The following NINL variants were observed in gnomAD, a reference collection of about 807,000 sequenced individuals.
NINL encodes the protein ninein like, also known as ninein-like protein.
A neutral mutation model predicts 160.3 loss-of-function variants in NINL; 153 were observed. The observed-to-expected ratio is 0.95, with a 90% confidence interval of 0.84 to 1.09. The LOEUF (loss-of-function observed/expected upper bound fraction) is 1.09. NINL is among the 50% of genes least tolerant of loss of function. NINL has a pLI of 0.00. For missense variants in NINL, 1,829 were observed against 1,764.0 expected (o/e 1.04, Z -0.66); for synonymous variants, 800 against 734.8 (o/e 1.09, Z -1.43).
intron 13 of NINL, among the ~76,000 whole-genome samples, chr20:25,485,015 G>C (rs2063479288): frequency 6.6e-6 from 1 of 152,158 alleles, no homozygotes; most frequent in African/African-American, 2.4e-5. Context: ...TCAGTGCTGT[G>C]AACAGGAAAC....
intron 1 of NINL, among the ~76,000 whole-genome samples, chr20:25,549,832 A>T (rs1410945898): frequency 6.6e-6 from 1 of 152,200 alleles, no homozygotes; most frequent in Non-Finnish European, 1.5e-5. Flanking sequence ...ACACAGGAAA[A>T]GTCAAAAGTC....
intron 5 of NINL, 141 bp downstream of exon 5, chr20:25,510,533 G>T: frequency 1.3e-6 from 1 of 785,840 alleles, no homozygotes; most frequent in Non-Finnish European, 2.3e-6. Flanking sequence ...GCAGGAGGAA[G>T]AATCCAGCGG....
intron 17 of NINL, among the ~76,000 whole-genome samples, chr20:25,472,688 G>A (rs182880132): frequency 7.0e-4 from 107 of 151,998 alleles, no homozygotes; most frequent in African/African-American, 2.6e-3. Flanking sequence ...GCCACCATGT[G>A]TGACTAATTT....
At chr20:25,478,584 A>G (rs955707747) in intron 16 of NINL, among the ~76,000 whole-genome samples, 8 of 151,980 alleles carry the variant, frequency 5.3e-5, no homozygotes, top group Non-Finnish European at 1.0e-4. Flanking sequence ...GCCTTTCTCC[A>G]TCTCCCCACA....
intron 1 of NINL, among the ~76,000 whole-genome samples, chr20:25,554,601 A>G (rs1170612788): frequency 6.8e-6 from 1 of 147,024 alleles, no homozygotes; most frequent in Non-Finnish European, 1.5e-5. Flanking sequence ...CATGAGCAAC[A>G]TAGTAAGAAC....
chr20:25,535,842 C>T (rs1433617766), intron 1 of NINL, among the ~76,000 whole-genome samples: 1 of 152,128 alleles, frequency 6.6e-6, no homozygotes, highest in Non-Finnish European at 1.5e-5. Context: ...TCTCGACATC[C>T]TTGAAAAGCC....
chr20:25,481,220 C>CG (rs1365186524), intron 14 of NINL, among the ~76,000 whole-genome samples: 4 of 152,104 alleles, frequency 2.6e-5, no homozygotes. Flanking sequence ...GTTGCCATGA[C>CG]GGGGGAGCGA....
chr20:25,458,320 C>T (rs6076352), intron 22 of NINL, 63 bp downstream of exon 22: 30 of 1,583,140 alleles, frequency 1.9e-5, no homozygotes, highest in Admixed American at 5.0e-5. Flanking sequence ...AACTGAGGAC[C>T]GGTGGGCCCG....
At position 25,479,023 on chromosome 20, in the gene NINL, C is replaced by A; in HGVS notation, c.2101G>T (p.Ala701Ser). The change falls in exon 16 of 24, where the codon GCC becomes TCC. Residue 701 changes from alanine to serine, a missense_variant. Ala to Ser is a moderately conservative substitution (Grantham distance 99). Transcript: ENST00000278886. ...ATCTGCTCAGGCTCGGGGCCGCGGG[C>A]TGTGTCCTGCAGCTGCTCCTGCAGG... is the stretch of plus-strand genomic sequence containing the variant. The part of the protein sequence containing the change: ...WGLQEQLQDT[A>S]RGPEPEQMGL... 6.2e-7 allele frequency: 1 copy of A among 1,610,166 alleles called. No homozygotes were observed. The highest frequency in any genetic ancestry group is 8.5e-7 in the Non-Finnish European group (1 of 1,179,948).
intron 5 of NINL, among the ~76,000 whole-genome samples, chr20:25,510,263 G>A (rs1402616185): frequency 6.6e-6 from 1 of 152,264 alleles, no homozygotes; most frequent in Non-Finnish European, 1.5e-5. Context: ...TGCACAGCAA[G>A]GGAGAGGCTG....
chr20:25,481,456 G>A (rs530013575), intron 14 of NINL, among the ~76,000 whole-genome samples: 1 of 152,188 alleles, frequency 6.6e-6, no homozygotes, highest in African/African-American at 2.4e-5. Flanking sequence ...CTTGGAGCTT[G>A]TCCTAATCCC....
At chr20:25,491,812 C>G (rs775275860) in intron 10 of NINL, among the ~76,000 whole-genome samples, 1 of 152,238 alleles carries the variant, frequency 6.6e-6, no homozygotes, top group Non-Finnish European at 1.5e-5. Context: ...TGGGGTGAGT[C>G]CCAAGGTGGC....
At chr20:25,515,399 C>A (rs1022399355) in intron 3 of NINL, among the ~76,000 whole-genome samples, 1 of 152,202 alleles carries the variant, frequency 6.6e-6, no homozygotes, top group African/African-American at 2.4e-5. Flanking sequence ...TTGGAAGTAC[C>A]TATCTAGTTT....
At chr20:25,482,228 C>T (rs2063406596) in intron 13 of NINL, 128 bp from the exon 14 acceptor site, 3 of 999,650 alleles carry the variant, frequency 3.0e-6, no homozygotes, top group Non-Finnish European at 4.2e-6. Flanking sequence ...CTGTTGCTTC[C>T]CAGCTTCCAG....
rs115984158 is a variant in NINL at position 25,493,690 on chromosome 20, A to T, written c.1311-2165T>A. Among the ~76,000 whole-genome samples the T allele has an allele frequency of 4.8e-3, 736 of 152,070 alleles. 5 individuals are homozygous for T. The highest frequency in any genetic ancestry group is 0.017 in the African/African-American group (688 of 41,454). On this transcript the variant is annotated intron_variant, in intron 10 of 23. Coordinates refer to ENST00000278886, the MANE Select transcript of NINL (RefSeq NM_025176.6). ...TCTAGGAATTCCCCAGCCAGGTGGGAATGATAACGCTACAAGGCTGGCCCA... is the reference window on the plus strand; with the variant it reads ...TCTAGGAATTCCCCAGCCAGGTGGGTATGATAACGCTACAAGGCTGGCCCA...
intron 1 of NINL, among the ~76,000 whole-genome samples, chr20:25,551,029 C>T (rs887949607): frequency 1.3e-5 from 2 of 152,222 alleles, no homozygotes; most frequent in Non-Finnish European, 2.9e-5. Context: ...GAGGTCCCTG[C>T]GGCCTTCCGC....
chr20:25,566,889 C>T (rs1431090145), intron 1 of NINL, among the ~76,000 whole-genome samples: 1 of 152,160 alleles, frequency 6.6e-6, no homozygotes, highest in Non-Finnish European at 1.5e-5. Flanking sequence ...TGCAGTGGCT[C>T]ACACCTGTAA....
In NINL at chr20:25,501,139, T is replaced by C. The variant is rs886125302; in HGVS notation, c.862-129A>G. On this transcript the variant is annotated intron_variant, in intron 7 of 23. Coordinates refer to ENST00000278886, the MANE Select transcript of NINL (RefSeq NM_025176.6). ...ACAGGAACAGCTCATGAGACCATCC[T>C]CAGCTCTCAGAGGGGTCAGAGGTGC... 5 of 1,228,392 alleles carry C rather than the reference T, an allele frequency of 4.1e-6. No individual in the cohort carries two copies. The African/African-American group carries it at 4.6e-5, about 11-fold the overall frequency. 76.1% of individuals were successfully genotyped at this position (1,228,392 alleles called of 1,614,324 possible). A position where few individuals can be genotyped will look rare whatever the true frequency, so the allele number is the denominator to read the frequency against.
chr20:25,455,499 C>T (rs181279232), intron 23 of NINL, among the ~76,000 whole-genome samples, 174 bp downstream of exon 23: 2 of 152,340 alleles, frequency 1.3e-5, no homozygotes, highest in Admixed American at 6.5e-5. Flanking sequence ...GATCTTAAAA[C>T]CATTCCCGGA....
Sources: gnomAD v4.1 joint callset for allele counts (sites outside exome capture counted in the v4.1 genomes callset) on GRCh38, gnomAD v4.1.1 for gene constraint, MANE v1.5 for transcripts, NCBI Gene and HGNC (gene_info 2026-07-23, HGNC 2026-07-21) for gene names.